The following SPART variants were observed in gnomAD, a reference collection of about 807,000 sequenced individuals.
SPART encodes the protein spastic paraplegia 20 (Troyer syndrome).
Under a neutral mutation model 58.7 loss-of-function variants are expected in SPART, and 35 were observed. That is an observed-to-expected ratio of 0.60 (90% confidence interval 0.46 to 0.79). The LOEUF (loss-of-function observed/expected upper bound fraction) is 0.79. Among genes scored for constraint, SPART ranks in the 30% least tolerant of loss-of-function variants. The probability of loss-of-function intolerance (pLI) is 0.00; values close to 1 mark genes in which losing one functional copy is unlikely to be tolerated. For synonymous variants in SPART, 284 were observed against 280.7 expected (o/e 1.01, Z -0.12); for missense variants, 730 against 786.1 (o/e 0.93, Z 0.85).
At chr13:36,357,057 C>T (rs1464868073) in intron 1 of SPART, among the ~76,000 whole-genome samples, 1 of 152,164 alleles carries the variant, frequency 6.6e-6, no homozygotes, top group Admixed American at 6.5e-5. Flanking sequence ...TGTCCCTTTC[C>T]TCGTAAAGGC....
At chr13:36,317,189 A>G (rs752983139) in intron 5 of SPART, among the ~76,000 whole-genome samples, 1 of 152,166 alleles carries the variant, frequency 6.6e-6, no homozygotes, top group Non-Finnish European at 1.5e-5. Context: ...TAGACCACGC[A>G]GGGATGCCTG....
At chr13:36,304,719 T>C in intron 8 of SPART, 87 bp from the exon 9 acceptor site, 2 of 1,411,494 alleles carry the variant, frequency 1.4e-6, no homozygotes, top group Non-Finnish European at 1.9e-6. Flanking sequence ...GTCAAATGAT[T>C]ACTGTGTTAC....
Position 36,335,145 on chromosome 13 carries a change from T to A in SPART, c.686A>T (p.Gln229Leu), listed in dbSNP as rs570884857. 7 of 1,614,128 alleles carry A rather than the reference T, an allele frequency of 4.3e-6. No homozygotes were observed. In the East Asian group the frequency reaches 1.6e-4, roughly 36 times the overall value. ...DELILIPNGV[Q>L]IFFVNPAGEV... is the part of the protein sequence containing the mutation. ...CCCTGCAGGATTTACAAAAAAAATC[T>A]GTACTCCATTTGGTATCAAAATCAA... The change falls in exon 2 of 9, where the codon CAG becomes CTG. Residue 229 changes from glutamine to leucine, a missense_variant. Physicochemically the swap from Gln to Leu is moderately radical, Grantham distance 113 (BLOSUM62 -2). Coordinates refer to ENST00000438666, the MANE Select transcript of SPART (RefSeq NM_015087.5).
rs142808281 is a variant in SPART, at chr13:36,339,545, T to C, written c.-2-3713A>G. ...ACTCAGGAAGCTGAGACAGGAGAAT[T>C]GCTTGAACCCGGAAGGCAGAGGTTG... On this transcript the variant is annotated intron_variant, in intron 1 of 8. Coordinates refer to ENST00000438666, the MANE Select transcript of SPART (RefSeq NM_015087.5). Among the ~76,000 whole-genome samples the C allele has an allele frequency of 5.5e-3, 794 of 145,584 alleles. 12 individuals are homozygous for C. Among genetic ancestry groups the C allele is most frequent in the African/African-American group, 0.019 (740 of 38,960 alleles).
intron 1 of SPART, among the ~76,000 whole-genome samples, chr13:36,355,775 G>A (rs1001501792): frequency 6.6e-6 from 1 of 152,072 alleles, no homozygotes; most frequent in East Asian, 1.9e-4. Flanking sequence ...AGTGGGGGTC[G>A]AAACATGACT....
At position 36,314,257 on chromosome 13, in the gene SPART, C is replaced by T. The variant is rs749543357; in HGVS notation, c.1453G>A (p.Gly485Arg). 2.5e-6 allele frequency: 4 copies of T among 1,614,078 alleles called. No homozygotes were observed. In the South Asian group the frequency reaches 4.4e-5, roughly 18 times the overall value. ...KGLYIAKQAT[G>R]GAAKVSQFLV... The stretch of plus-strand genomic sequence containing the variant: ...AACTGACTGACTTTTGCTGCTCCTC[C>T]TGTAGCTTGCTTCGCTATATAAAGT... The change falls in exon 6 of 9, where the codon GGA becomes AGA. Residue 485 changes from glycine to arginine, a missense_variant. Gly to Arg is a moderately radical substitution (Grantham distance 125, BLOSUM62 -2). Transcript: ENST00000438666.
chr13:36,370,164 T>TG (rs1412159550), exon 1 of SPART: 1 of 152,074 alleles, frequency 6.6e-6, no homozygotes, highest in Non-Finnish European at 1.5e-5. Context: ...AGACGGAAGG[T>TG]GGGGGCTGGT....
At chr13:36,313,854 T>C (rs922584580) in intron 6 of SPART, 4 of 275,606 alleles carry the variant, frequency 1.5e-5, no homozygotes, top group African/African-American at 9.1e-5. Flanking sequence ...CGTTAAACAA[T>C]ACATGACTTT....
At chr13:36,367,023 T>G (rs1373132407) in intron 1 of SPART, among the ~76,000 whole-genome samples, 1 of 152,146 alleles carries the variant, frequency 6.6e-6, no homozygotes, top group African/African-American at 2.4e-5. Flanking sequence ...ATGCCCCTTT[T>G]CGGCCGGAAG....
intron 5 of SPART, among the ~76,000 whole-genome samples, chr13:36,318,092 C>T (rs1479483765): frequency 6.6e-6 from 1 of 152,030 alleles, no homozygotes; most frequent in Non-Finnish European, 1.5e-5. Flanking sequence ...TTCTACAGAC[C>T]CATCTGACCT....
Position 36,304,424 on chromosome 13 carries a change from T to C in SPART, c.1942A>G (p.Arg648Gly). The change falls in exon 9 of 9, where the codon AGA (arginine) becomes GGA (glycine). Residue 648 changes from arginine to glycine, a missense_variant. Coordinates refer to ENST00000438666, the MANE Select transcript of SPART (RefSeq NM_015087.5). ...TTCGTCTGCTCATCCTTCTCCCCTC[T>C]CACGTTGACATTTGCTGCTCCTTCT... ...NQEGAANVNV[R>G]GEKDEQTKEV... 6.2e-7 allele frequency: 1 copy of C among 1,614,128 alleles called. No individual in the cohort carries two copies. Among genetic ancestry groups the C allele is most frequent in the African/African-American group, 1.3e-5 (1 of 75,052 alleles).
At chr13:36,309,266 C>T (rs1880842970) in intron 8 of SPART, among the ~76,000 whole-genome samples, 1 of 150,284 alleles carries the variant, frequency 6.7e-6, no homozygotes, top group Admixed American at 6.6e-5. Context: ...AAAACTGACA[C>T]TCCAAAATGA....
Position 36,359,498 on chromosome 13 carries a change from A to G in SPART, c.-3+10591T>C, listed in dbSNP as rs1317102738. Reference sequence around the variant, plus strand: ...TATAGACATATACTTAATGCCATGGACCATCACATGCAGCTGTTTGAGTCC... The same window carrying G: ...TATAGACATATACTTAATGCCATGGGCCATCACATGCAGCTGTTTGAGTCC... On this transcript the variant is annotated intron_variant, in intron 1 of 8. Transcript: ENST00000355182. Among the ~76,000 whole-genome samples the G allele has an allele frequency of 2.0e-5, 3 of 152,214 alleles. No homozygotes were observed. The South Asian group carries it at 6.2e-4, about 32-fold the overall frequency.
At chr13:36,319,621 A>G (rs188902726) in intron 5 of SPART, among the ~76,000 whole-genome samples, 23,166 of 130,206 alleles carry the variant, frequency 0.18, 2,537 homozygotes, top group East Asian at 0.41. Context: ...TTTCCACCCC[A>G]TGGTGCCAAA....
Position 36,335,441 on chromosome 13 carries a change from C to A in SPART, c.390G>T (p.Gln130His). ...KDMCEKLPEP[Q>H]SFSSAPQHAE... ...CATGCTGAGGAGCTGAACTAAAAGA[C>A]TGAGGCTCTGGTAATTTTTCACACA... is the stretch of plus-strand genomic sequence containing the variant. The change falls in exon 2 of 9, where the codon CAG (glutamine) becomes CAT (histidine). Residue 130 changes from glutamine (Q) to histidine (H), a missense_variant. Coordinates refer to ENST00000438666, the MANE Select transcript of SPART (RefSeq NM_015087.5). 6.2e-7 allele frequency: 1 copy of A among 1,614,122 alleles called. No homozygotes were observed. Among genetic ancestry groups the A allele is most frequent in the Non-Finnish European group, 8.5e-7 (1 of 1,180,024 alleles).
At chr13:36,326,174 C>T in intron 5 of SPART, 1 of 252,644 alleles carries the variant, frequency 4.0e-6, no homozygotes, top group Non-Finnish European at 7.7e-6. Flanking sequence ...CTAAAACCAT[C>T]ACCTCAGGGG....
At chr13:36,306,492 A>G (rs568247001) in intron 8 of SPART, among the ~76,000 whole-genome samples, 1 of 152,296 alleles carries the variant, frequency 6.6e-6, no homozygotes, top group Non-Finnish European at 1.5e-5. Flanking sequence ...AACTCACAAC[A>G]TAACTCACAG....
In SPART at chr13:36,346,225, C is replaced by G. The variant is rs1885103262; in HGVS notation, c.-3G>C. 6.6e-6 allele frequency: 1 copy of G among 152,060 alleles called. No individual in the cohort carries two copies. The highest frequency in any genetic ancestry group is 1.5e-5 in the Non-Finnish European group (1 of 68,142). The allele number at this position is 152,060 out of a possible 1,614,324, so 9.4% of individuals were successfully genotyped here. On this transcript the variant is annotated splice_region_variant and 5_prime_UTR_variant, in exon 1 of 9. Coordinates refer to ENST00000438666, the MANE Select transcript of SPART (RefSeq NM_015087.5). ...AGGGGTGAACTCCCCCGCGCCCCAC[C>G]TGCGCCTTCCAGACCTCGGGCGCCC...
rs556447257 is a variant in SPART, at chr13:36,321,629, CCT to C, written c.1288+4944_1288+4945del. 7.7e-4 allele frequency among the ~76,000 whole-genome samples: 117 copies of C among 152,224 alleles called. 1 individual carries two copies. The highest frequency in any genetic ancestry group is 2.5e-3 in the African/African-American group (103 of 41,562). On this transcript the variant is annotated intron_variant, in intron 5 of 8. Coordinates refer to ENST00000438666, the MANE Select transcript of SPART (RefSeq NM_015087.5). ...CGCCCCTAATCCCGCTTGAAGCAGC[CCT>C]GAGAAACATCGCCCATTCTCTCTCC...
Sources: gnomAD v4.1 joint callset for allele counts (sites outside exome capture counted in the v4.1 genomes callset) on GRCh38, gnomAD v4.1.1 for gene constraint, MANE v1.5 for transcripts, NCBI Gene and HGNC (gene_info 2026-07-23, HGNC 2026-07-21) for gene names.